CHSY3: variants seen among roughly 807,000 people sequenced by gnomAD.
The protein encoded by CHSY3 is chondroitin sulfate synthase 3.
A neutral mutation model predicts 67.2 loss-of-function variants in CHSY3; 35 were observed. That is an observed-to-expected ratio of 0.52 (90% CI 0.40 to 0.69). CHSY3 has a LOEUF of 0.69. CHSY3 is among the 30% of genes least tolerant of loss of function. The pLI, the probability that CHSY3 is intolerant of heterozygous loss-of-function variation, is 0.00. For missense variants in CHSY3, 1,069 were observed against 1,138.5 expected, an observed-to-expected ratio of 0.94 and a Z score of 0.88; for synonymous variants, 474 against 434.7, an observed-to-expected ratio of 1.09 and a Z score of -1.12.
At chr5:130,033,484 C>G (rs1764759110) in intron 2 of CHSY3, among the ~76,000 whole-genome samples, 1 of 152,104 alleles carries the variant, frequency 6.6e-6, no homozygotes, top group Non-Finnish European at 1.5e-5. Context: ...ATGAAACTGT[C>G]TTGTGATAAA....
chr5:130,185,977 G>T lies in CHSY3; in HGVS notation c.*186G>T. On this transcript the variant is annotated 3_prime_UTR_variant, in exon 3 of 3. Coordinates refer to ENST00000305031, the MANE Select transcript of CHSY3 (RefSeq NM_175856.5). ...TGTTGACCTCAAGCAAGAAGAGTCTGCAGTTCACTGATGTTTCAGATTTCT... is the reference window on the plus strand; with the variant it reads ...TGTTGACCTCAAGCAAGAAGAGTCTTCAGTTCACTGATGTTTCAGATTTCT... 2.9e-6 allele frequency: 1 copy of T among 344,350 alleles called. No individual in the cohort carries two copies. Among genetic ancestry groups the T allele is most frequent in the Non-Finnish European group, 5.1e-6 (1 of 195,444 alleles). The allele number at this position is 344,350 out of a possible 1,614,324, so 21.3% of individuals were successfully genotyped here. A position where few individuals can be genotyped will look rare whatever the true frequency, so the allele number is the denominator to read the frequency against.
At chr5:129,934,531 T>C (rs1194922465) in intron 2 of CHSY3, among the ~76,000 whole-genome samples, 1 of 152,158 alleles carries the variant, frequency 6.6e-6, no homozygotes, top group Non-Finnish European at 1.5e-5. Flanking sequence ...GTGATTATGA[T>C]AGCCTATTAG....
chr5:129,931,748 T>C (rs537544768), intron 2 of CHSY3, among the ~76,000 whole-genome samples: 1 of 152,284 alleles, frequency 6.6e-6, no homozygotes, highest in South Asian at 2.1e-4. Flanking sequence ...TTTTTAAGTA[T>C]CTAATTCTAG....
intron 2 of CHSY3, among the ~76,000 whole-genome samples, chr5:130,092,440 C>T (rs1415648218): frequency 1.3e-5 from 2 of 152,054 alleles, no homozygotes; most frequent in East Asian, 1.9e-4. Flanking sequence ...TAGGTTCACA[C>T]CTCTTTATAA....
intron 2 of CHSY3, among the ~76,000 whole-genome samples, chr5:129,921,866 G>A (rs571255961): frequency 3.3e-5 from 5 of 151,808 alleles, no homozygotes; most frequent in South Asian, 2.1e-4. Flanking sequence ...TCACTGTTTC[G>A]GTTATTTTAA....
chr5:130,172,397 C>G (rs1357209997), intron 2 of CHSY3, among the ~76,000 whole-genome samples: 1 of 149,794 alleles, frequency 6.7e-6, no homozygotes. Flanking sequence ...ATGGCACCAT[C>G]TCAACTCACT....
Position 130,076,230 on chromosome 5 carries a change from C to T in CHSY3, c.1087-107999C>T, listed in dbSNP as rs192530490. On this transcript the variant is annotated intron_variant, in intron 2 of 2. Coordinates refer to ENST00000305031, the MANE Select transcript of CHSY3 (RefSeq NM_175856.5). ...ACTAAGATGCAGCCTTGTCCATGAACTTTGTCTGTCCTCTTTCTTATTGCA... is the reference window on the plus strand; with the variant it reads ...ACTAAGATGCAGCCTTGTCCATGAATTTTGTCTGTCCTCTTTCTTATTGCA... Among the ~76,000 whole-genome samples, 85 of 152,094 alleles carry T rather than the reference C, an allele frequency of 5.6e-4. No homozygotes were observed. In the East Asian group the frequency reaches 0.014, roughly 25 times the overall value.
rs187011992 is a variant in CHSY3 at position 130,094,709 on chromosome 5, G to T, written c.1087-89520G>T. 9.1e-3 allele frequency among the ~76,000 whole-genome samples: 1,379 copies of T among 152,106 alleles called. 11 individuals carry two copies. Among genetic ancestry groups the T allele is most frequent in the Middle Eastern group, 0.014 (4 of 294 alleles). On this transcript the variant is annotated intron_variant, in intron 2 of 2. Coordinates refer to ENST00000305031, the MANE Select transcript of CHSY3 (RefSeq NM_175856.5). ...AAAGTCCATTAGGAAGTGGCAGGGG[G>T]GTAGAACACAGACAGTAACAAATGA...
intron 2 of CHSY3, among the ~76,000 whole-genome samples, chr5:130,001,127 G>A (rs527905048): frequency 8.6e-5 from 13 of 151,854 alleles, no homozygotes; most frequent in African/African-American, 2.2e-4. Context: ...TGATCTGCCC[G>A]CCTCGACCTC....
chr5:130,156,981 C>T (rs1769390488), intron 2 of CHSY3, among the ~76,000 whole-genome samples: 1 of 152,182 alleles, frequency 6.6e-6, no homozygotes, highest in African/African-American at 2.4e-5. Context: ...GGGTTAAATT[C>T]CTTTTCTAAA....
intron 2 of CHSY3, among the ~76,000 whole-genome samples, chr5:130,028,445 T>C (rs1764613227): frequency 2.0e-5 from 3 of 152,158 alleles, no homozygotes; most frequent in Admixed American, 2.0e-4. Flanking sequence ...CTTGGAAAAC[T>C]GGCTAGCCAT....
At chr5:129,934,719 T>C (rs1019462425) in intron 2 of CHSY3, among the ~76,000 whole-genome samples, 4 of 152,174 alleles carry the variant, frequency 2.6e-5, no homozygotes, top group African/African-American at 9.7e-5. Flanking sequence ...AGATACCCCA[T>C]ATTTTGTTTT....
At chr5:129,990,421 G>A (rs1308276171) in intron 2 of CHSY3, among the ~76,000 whole-genome samples, 1 of 150,566 alleles carries the variant, frequency 6.6e-6, no homozygotes, top group Non-Finnish European at 1.5e-5. Flanking sequence ...TGTCTAGTCT[G>A]TGGCCTTTTT....
At chr5:130,047,595 A>C (rs1410203235) in intron 2 of CHSY3, among the ~76,000 whole-genome samples, 1 of 152,066 alleles carries the variant, frequency 6.6e-6, no homozygotes, top group East Asian at 1.9e-4. Context: ...TATTGGATGC[A>C]GTTCACTAGC....
intron 2 of CHSY3, among the ~76,000 whole-genome samples, chr5:130,134,712 C>A (rs1161981398): frequency 6.6e-6 from 1 of 152,082 alleles, no homozygotes; most frequent in Non-Finnish European, 1.5e-5. Flanking sequence ...GTGTTTGCAT[C>A]ATTTTTCTAC....
At chr5:130,034,513 G>A (rs1398539253) in intron 2 of CHSY3, among the ~76,000 whole-genome samples, 1 of 152,054 alleles carries the variant, frequency 6.6e-6, no homozygotes, top group Non-Finnish European at 1.5e-5. Flanking sequence ...TCAAAACCAG[G>A]AAAAGATCCA....
In CHSY3 at chr5:130,109,047, A is replaced by G. The variant is rs1031055838; in HGVS notation, c.1087-75182A>G. Among the ~76,000 whole-genome samples, 81 of 151,756 alleles carry G rather than the reference A, an allele frequency of 5.3e-4. 1 individual carries two copies. The highest frequency in any genetic ancestry group is 2.4e-5 in the African/African-American group (1 of 41,418). ...AAGAAGATTGCAAATTACTTCAGTC[A>G]TGTTCTATAGTTTACATTTACAGGC... is the stretch of plus-strand genomic sequence containing the variant. On this transcript the variant is annotated intron_variant, in intron 2 of 2. Coordinates refer to ENST00000305031, the MANE Select transcript of CHSY3 (RefSeq NM_175856.5).
At chr5:130,084,128 A>T (rs1327056050) in intron 2 of CHSY3, among the ~76,000 whole-genome samples, 1 of 151,968 alleles carries the variant, frequency 6.6e-6, no homozygotes, top group Non-Finnish European at 1.5e-5. Flanking sequence ...AATTCATATT[A>T]GTTCTATGAT....
intron 2 of CHSY3, among the ~76,000 whole-genome samples, chr5:130,166,105 T>C (rs1769739110): frequency 1.3e-5 from 2 of 152,184 alleles, no homozygotes. Context: ...TAAAATATAG[T>C]TATTTAGCTC....
Sources: allele counts gnomAD v4.1 joint callset (sites outside exome capture counted in the v4.1 genomes callset), GRCh38; gene constraint gnomAD v4.1.1; transcripts MANE v1.5; gene names NCBI Gene and HGNC (gene_info 2026-07-23, HGNC 2026-07-21).